The following PARD3B variants were observed in gnomAD, a reference collection of about 807,000 sequenced individuals.
PARD3B encodes par-3 family cell polarity regulator beta, also known as partitioning defective 3 homolog B.
A neutral mutation model predicts 130.2 loss-of-function variants in PARD3B; 103 were observed. That is an observed-to-expected ratio of 0.79 (90% CI 0.67 to 0.93). The LOEUF (loss-of-function observed/expected upper bound fraction) is 0.93. Ranked by LOEUF, PARD3B falls within the 40% of genes least tolerant of loss-of-function variation. The pLI, the probability that PARD3B is intolerant of heterozygous loss-of-function variation, is 0.00. For synonymous variants in PARD3B, 583 were observed against 553.2 expected, an observed-to-expected ratio of 1.05 and a Z score of -0.76; for missense variants, 1,609 against 1,499.2, an observed-to-expected ratio of 1.07 and a Z score of -1.21.
At chr2:205,435,852 AT>A (rs1253696054) in intron 19 of PARD3B, among the ~76,000 whole-genome samples, 1 of 152,098 alleles carries the variant, frequency 6.6e-6, no homozygotes, top group African/African-American at 2.4e-5. Flanking sequence ...TCTTAGTTTT[AT>A]ATTTAAATGA....
rs575368926 is a variant in PARD3B at position 204,551,273 on chromosome 2, G to A, written c.120+5154G>A. ...CTCCAGATTCCTATCTTCTTTGGGG[G>A]AAAAGCAAATTGGAAGCTCTGACAA... On this transcript the variant is annotated intron_variant, in intron 1 of 22. Transcript: ENST00000406610. Among the ~76,000 whole-genome samples the A allele has an allele frequency of 1.2e-4, 19 of 152,250 alleles. No homozygotes were observed. In the South Asian group the frequency reaches 3.9e-3, roughly 32 times the overall value.
intron 2 of PARD3B, among the ~76,000 whole-genome samples, chr2:204,871,038 A>C (rs1030565085): frequency 2.6e-5 from 4 of 152,182 alleles, no homozygotes; most frequent in African/African-American, 9.6e-5. Context: ...ATATATAATC[A>C]TACATACATA....
chr2:205,577,676 T>A (rs1002974181), intron 22 of PARD3B, among the ~76,000 whole-genome samples: 2 of 152,224 alleles, frequency 1.3e-5, no homozygotes, highest in Admixed American at 1.3e-4. Flanking sequence ...TTGGCAATGT[T>A]TTTTTCTTTT....
intron 2 of PARD3B, among the ~76,000 whole-genome samples, chr2:204,882,187 A>C (rs566342581): frequency 6.6e-6 from 1 of 152,158 alleles, no homozygotes; most frequent in Non-Finnish European, 1.5e-5. Flanking sequence ...CAAGAAAAGC[A>C]ATTTTCTAAA....
intron 13 of PARD3B, among the ~76,000 whole-genome samples, chr2:205,180,551 G>T (rs745848642): frequency 1.3e-5 from 2 of 151,494 alleles, no homozygotes; most frequent in African/African-American, 2.4e-5. Flanking sequence ...GTAATGTCTA[G>T]TGAGGAGAGG....
intron 15 of PARD3B, among the ~76,000 whole-genome samples, chr2:205,223,623 A>AAACC (rs202193142): frequency 3.3e-5 from 5 of 151,822 alleles, no homozygotes; most frequent in Admixed American, 2.0e-4. Flanking sequence ...GTATTCAAAA[A>AAACC]AACCAACCAA....
Position 205,503,327 on chromosome 2 carries a change from A to T in PARD3B, c.3180+3296A>T, listed in dbSNP as rs376682585. 3.3e-4 allele frequency among the ~76,000 whole-genome samples: 50 copies of T among 152,138 alleles called. 1 individual carries two copies. The East Asian group carries it at 5.0e-3, about 15-fold the overall frequency. ...CATTCTGCTGGAGGTGCATAGTTGG[A>T]GACAGAGTGCTAGGAAAACTATAGA... is the stretch of plus-strand genomic sequence containing the variant. On this transcript the variant is annotated intron_variant, in intron 21 of 22. Transcript: ENST00000406610.
At position 204,903,351 on chromosome 2, in the gene PARD3B, T is replaced by G. The variant is rs143805771; in HGVS notation, c.223-61801T>G. On this transcript the variant is annotated intron_variant, in intron 2 of 22. Coordinates refer to ENST00000406610, the MANE Select transcript of PARD3B (RefSeq NM_001302769.2). The stretch of plus-strand genomic sequence containing the variant: ...TTCAGCAGCAAGCTTTTAGAGACAT[T>G]GTGTTATGTATTTGAATTTCTTCTT... Among the ~76,000 whole-genome samples, 345 of 152,284 alleles carry G rather than the reference T, an allele frequency of 2.3e-3. 1 individual carries two copies. Among genetic ancestry groups the G allele is most frequent in the Admixed American group, 8.2e-3 (125 of 15,294 alleles).
intron 2 of PARD3B, among the ~76,000 whole-genome samples, chr2:204,839,019 T>C (rs1342610682): frequency 6.6e-6 from 1 of 152,206 alleles, no homozygotes; most frequent in Non-Finnish European, 1.5e-5. Context: ...TAAAGTCATA[T>C]GCTACACCAA....
chr2:205,479,429 C>T (rs2049143580), intron 20 of PARD3B, among the ~76,000 whole-genome samples: 2 of 152,132 alleles, frequency 1.3e-5, no homozygotes, highest in South Asian at 4.1e-4. Context: ...GACAAAGACT[C>T]AAAATGTATA....
intron 12 of PARD3B, among the ~76,000 whole-genome samples, chr2:205,173,977 A>G (rs1325740001): frequency 1.3e-5 from 2 of 152,226 alleles, no homozygotes; most frequent in East Asian, 1.9e-4. Flanking sequence ...TTAAACAAAG[A>G]TACCTCAACT....
chr2:205,331,948 AC>A (rs2043150308), intron 18 of PARD3B, among the ~76,000 whole-genome samples: 1 of 151,916 alleles, frequency 6.6e-6, no homozygotes. Flanking sequence ...AACTAAAAAT[AC>A]AAAAAATTAG....
chr2:204,763,669 A>C (rs2041007375), intron 2 of PARD3B, among the ~76,000 whole-genome samples: 1 of 152,208 alleles, frequency 6.6e-6, no homozygotes, highest in African/African-American at 2.4e-5. Flanking sequence ...TTTTTCTTAA[A>C]ACATGTTTCA....
intron 20 of PARD3B, among the ~76,000 whole-genome samples, chr2:205,489,498 T>TGTATATATATACGTATATATAC (rs758881547): frequency 1.8e-5 from 1 of 55,754 alleles, no homozygotes; most frequent in African/African-American, 6.0e-5. Context: ...TATATGTGTG[T>TGTATATATATACGTATATATAC]ATATATATAT....
At chr2:204,905,901 A>C (rs2047027476) in intron 2 of PARD3B, among the ~76,000 whole-genome samples, 1 of 152,174 alleles carries the variant, frequency 6.6e-6, no homozygotes, top group Non-Finnish European at 1.5e-5. Flanking sequence ...CATTCCTAGA[A>C]ATGAAAAGCA....
At chr2:204,874,313 T>C (rs1002329874) in intron 2 of PARD3B, among the ~76,000 whole-genome samples, 5 of 152,194 alleles carry the variant, frequency 3.3e-5, no homozygotes, top group Non-Finnish European at 5.9e-5. Flanking sequence ...ATTAAAATAA[T>C]TTATACAAAA....
chr2:205,255,287 A>G lies in PARD3B; in HGVS notation c.2185+9465A>G, dbSNP rs554406340. 3.4e-3 allele frequency among the ~76,000 whole-genome samples: 515 copies of G among 152,262 alleles called. 5 individuals carry two copies. Among genetic ancestry groups the G allele is most frequent in the Non-Finnish European group, 5.9e-3 (399 of 67,998 alleles). On this transcript the variant is annotated intron_variant, in intron 16 of 22. Transcript: ENST00000406610. ...CAACTCACACTTCTGCTCCAGAGCC[A>G]GTCAGTTCCTGTAAGAGATAGGGAG...
intron 22 of PARD3B, among the ~76,000 whole-genome samples, chr2:205,609,605 A>G (rs991999220): frequency 6.6e-6 from 1 of 152,244 alleles, no homozygotes; most frequent in African/African-American, 2.4e-5. Context: ...ATAGTATTTT[A>G]TAGAAATTAA....
At chr2:204,755,345 T>C (rs1015402583) in intron 2 of PARD3B, among the ~76,000 whole-genome samples, 4 of 152,050 alleles carry the variant, frequency 2.6e-5, no homozygotes, top group African/African-American at 9.7e-5. Context: ...AATATGAAAT[T>C]GATGATTCTT....
Sources: allele counts gnomAD v4.1 joint callset (sites outside exome capture counted in the v4.1 genomes callset), GRCh38; gene constraint gnomAD v4.1.1; transcripts MANE v1.5; gene names NCBI Gene and HGNC (gene_info 2026-07-23, HGNC 2026-07-21).